PDE8B: variants seen among roughly 807,000 people sequenced by gnomAD.
The protein encoded by PDE8B is phosphodiesterase 8B, also known as high affinity cAMP-specific and IBMX-insensitive 3',5'-cyclic phosphodiesterase 8B.
PDE8B carries 26 observed loss-of-function variants against 101.3 expected under a neutral mutation model. The ratio of observed to expected loss-of-function variants is 0.26; its 90% CI spans 0.19 to 0.36. PDE8B has a LOEUF of 0.36. PDE8B is among the 10% of genes least tolerant of loss of function. PDE8B has a pLI of 1.00. For missense variants in PDE8B, 810 were observed against 1,163.1 expected (o/e 0.70, Z 4.42); for synonymous variants, 424 against 429.3 (o/e 0.99, Z 0.15).
chr5:77,171,247 G>A, the PDE8B span, among the ~76,000 whole-genome samples: 1 of 152,142 alleles, frequency 6.6e-6, no homozygotes, highest in African/African-American at 2.4e-5. Flanking sequence ...CAAAACAGGT[G>A]GGAAACCTGA....
intron 18 of PDE8B, among the ~76,000 whole-genome samples, chr5:77,419,531 C>T (rs1796202234): frequency 1.3e-5 from 2 of 152,190 alleles, no homozygotes; most frequent in South Asian, 4.1e-4. Flanking sequence ...GGTACCTTCT[C>T]TCTTTTTTAA....
At chr5:77,424,910 A>C (rs1797672654) in intron 20 of PDE8B, among the ~76,000 whole-genome samples, 1 of 151,946 alleles carries the variant, frequency 6.6e-6, no homozygotes, top group Non-Finnish European at 1.5e-5. Context: ...TGCAGACTCA[A>C]AACTCCAGGC....
At chr5:77,423,436 G>A (rs984626145) in intron 20 of PDE8B, among the ~76,000 whole-genome samples, 14 of 151,994 alleles carry the variant, frequency 9.2e-5, no homozygotes, top group African/African-American at 2.9e-4. Context: ...AGAAATCTCC[G>A]AACTGCTTTC....
intron 1 of PDE8B, among the ~76,000 whole-genome samples, chr5:77,277,139 G>T (rs1244306803): frequency 2.6e-5 from 4 of 152,198 alleles, no homozygotes; most frequent in African/African-American, 9.7e-5. Context: ...TGCTGTGGTA[G>T]AACGCAGAAG....
chr5:77,374,873 A>G (rs1459608068), intron 10 of PDE8B, among the ~76,000 whole-genome samples: 2 of 152,136 alleles, frequency 1.3e-5, no homozygotes, highest in Non-Finnish European at 2.9e-5. Context: ...CCTTTGGGCA[A>G]ATCCCCTAAG....
intron 12 of PDE8B, among the ~76,000 whole-genome samples, chr5:77,406,435 G>A (rs1161876814): frequency 2.6e-5 from 4 of 152,234 alleles, no homozygotes; most frequent in African/African-American, 9.6e-5. Context: ...GGATTGAGCG[G>A]ATAGATAGAA....
chr5:77,350,774 A>G (rs1780957520), intron 8 of PDE8B, among the ~76,000 whole-genome samples: 1 of 152,236 alleles, frequency 6.6e-6, no homozygotes, highest in South Asian at 2.1e-4. Flanking sequence ...ACCTCCAAAG[A>G]ATCCCTTGAC....
chr5:77,358,394 G>T (rs1346854744), intron 10 of PDE8B: 2 of 969,606 alleles, frequency 2.1e-6, no homozygotes, highest in Non-Finnish European at 2.5e-6. Flanking sequence ...CCTGCAAAGA[G>T]GGAGCAGGGA....
chr5:77,223,506 G>C (rs1160474989), intron 1 of PDE8B, among the ~76,000 whole-genome samples: 1 of 150,618 alleles, frequency 6.6e-6, no homozygotes, highest in African/African-American at 2.4e-5. Context: ...GACCACACAA[G>C]TAGCTACCAT....
At chr5:77,153,622 T>C in the PDE8B span, among the ~76,000 whole-genome samples, 2 of 150,066 alleles carry the variant, frequency 1.3e-5, no homozygotes, top group East Asian at 3.9e-4. Flanking sequence ...TCACCCAGGC[T>C]GGAGTGCAGT....
At chr5:77,141,155 A>G in the PDE8B span, 14 of 152,316 alleles carry the variant, frequency 9.2e-5, no homozygotes, top group Non-Finnish European at 1.9e-4. Context: ...GGGAATTGGT[A>G]TATGTTTGTT....
chr5:77,404,026 C>G (rs1792872040), intron 11 of PDE8B, among the ~76,000 whole-genome samples: 1 of 151,746 alleles, frequency 6.6e-6, no homozygotes, highest in Non-Finnish European at 1.5e-5. Flanking sequence ...CTCTGTCACC[C>G]AGGCTGGAGT....
At position 77,325,571 on chromosome 5, in the gene PDE8B, G is replaced by A. The variant is rs887916817; in HGVS notation, c.432G>A (p.Gln144=). Reference sequence around the variant, plus strand: ...TGATCTTTGCAAAGGAAGATAGTCAGAGCGATGGCTTCTGGTGGGCCTGCG... The same window carrying A: ...TGATCTTTGCAAAGGAAGATAGTCAAAGCGATGGCTTCTGGTGGGCCTGCG... ...VLLIFAKEDS[Q]SDGFWWACDR... Residue 144 remains glutamine (Q), a synonymous_variant, in exon 3 of 22, where the codon CAG becomes CAA. Coordinates refer to ENST00000264917, the MANE Select transcript of PDE8B (RefSeq NM_003719.5). 5.4e-5 allele frequency: 87 copies of A among 1,614,020 alleles called. No homozygotes were observed. The highest frequency in any genetic ancestry group is 4.3e-4 in the Admixed American group (26 of 59,998).
At chr5:77,425,236 A>G (rs563512944) in intron 20 of PDE8B, among the ~76,000 whole-genome samples, 1 of 152,302 alleles carries the variant, frequency 6.6e-6, no homozygotes, top group Non-Finnish European at 1.5e-5. Context: ...CCTGAGATCA[A>G]TGTGTCAGGA....
the PDE8B span, among the ~76,000 whole-genome samples, chr5:77,179,790 G>C: frequency 2.3e-4 from 35 of 152,040 alleles, no homozygotes; most frequent in African/African-American, 7.7e-4. Context: ...CGAATTCCTG[G>C]CCTCGAGAGA....
At chr5:77,111,192 G>C in the PDE8B span, among the ~76,000 whole-genome samples, 1 of 152,204 alleles carries the variant, frequency 6.6e-6, no homozygotes, top group African/African-American at 2.4e-5. Flanking sequence ...GAAGATGACA[G>C]CTTAGACTTG....
chr5:77,312,100 TTTTTC>T, intron 2 of PDE8B, 47 bp downstream of exon 2: 2 of 1,313,446 alleles, frequency 1.5e-6, no homozygotes, highest in Non-Finnish European at 1.1e-6. Flanking sequence ...TTTTCTTTTT[TTTTTC>T]TTTTTTTTTT....
At chr5:77,258,550 A>C (rs750008133) in intron 1 of PDE8B, among the ~76,000 whole-genome samples, 6 of 152,154 alleles carry the variant, frequency 3.9e-5, no homozygotes, top group Non-Finnish European at 8.8e-5. Context: ...GTAGGTGACA[A>C]AGAACCCCAC....
chr5:77,197,445 T>C, the PDE8B span, among the ~76,000 whole-genome samples: 1 of 152,078 alleles, frequency 6.6e-6, no homozygotes, highest in Admixed American at 6.6e-5. Flanking sequence ...CATTTGTCTA[T>C]TGTTTACCTA....
Sources: gnomAD v4.1 joint callset for allele counts (sites outside exome capture counted in the v4.1 genomes callset) on GRCh38, gnomAD v4.1.1 for gene constraint, MANE v1.5 for transcripts, NCBI Gene and HGNC (gene_info 2026-07-23, HGNC 2026-07-21) for gene names.